SLC30A8: variants seen among roughly 807,000 people sequenced by gnomAD.
SLC30A8 encodes the protein proton-coupled zinc antiporter SLC30A8.
Under a neutral mutation model 36.9 loss-of-function variants are expected in SLC30A8, and 27 were observed. The ratio of observed to expected loss-of-function variants is 0.73; its 90% CI spans 0.54 to 1.01. The LOEUF is 1.01. Ranked by LOEUF, SLC30A8 falls within the 50% of genes least tolerant of loss-of-function variation. SLC30A8 has a pLI of 0.00. For synonymous variants in SLC30A8, 164 were observed against 172.4 expected, an observed-to-expected ratio of 0.95 and a Z score of 0.38; for missense variants, 439 against 452.0, an observed-to-expected ratio of 0.97 and a Z score of 0.26.
At chr8:117,021,808 CA>C (rs1348634529) in intron 1 of SLC30A8, among the ~76,000 whole-genome samples, 3 of 152,046 alleles carry the variant, frequency 2.0e-5, no homozygotes, top group Non-Finnish European at 4.4e-5. Context: ...CAAAGACACA[CA>C]AGTTAATCAA....
chr8:117,097,416 A>ATATATAT lies in SLC30A8; in HGVS notation c.-225-37864_-225-37863insTATATAT, dbSNP rs1563593802. On this transcript the variant is annotated intron_variant, in intron 2 of 10. Coordinates refer to the SLC30A8 transcript ENST00000427715. Reference sequence around the variant, plus strand: ...CATCTCAAAAAAAAAAAAAAAAAAAAAAATATATATAAATATATATAATTA... The same window carrying ATATATAT: ...CATCTCAAAAAAAAAAAAAAAAAAAATATATATAAATATATATAAATATATATAATTA... Among the ~76,000 whole-genome samples, 54 of 104,658 alleles carry ATATATAT rather than the reference A, an allele frequency of 5.2e-4. 1 individual carries two copies. Among genetic ancestry groups the ATATATAT allele is most frequent in the African/African-American group, 2.3e-3 (54 of 23,244 alleles). 68.7% of individuals were successfully genotyped at this position (104,658 alleles called of 152,430 possible).
At chr8:117,145,919 T>C (rs1821874104) in intron 1 of SLC30A8, among the ~76,000 whole-genome samples, 1 of 152,060 alleles carries the variant, frequency 6.6e-6, no homozygotes, top group Non-Finnish European at 1.5e-5. Context: ...AAAAAGTGGC[T>C]CTCGTGAAGA....
chr8:116,977,396 G>A (rs928531235), intron 1 of SLC30A8, among the ~76,000 whole-genome samples: 9 of 148,932 alleles, frequency 6.0e-5, no homozygotes, highest in African/African-American at 7.4e-5. Flanking sequence ...CTCGTGATTC[G>A]CCTGCCTCCA....
chr8:117,122,771 G>T (rs1820741900), intron 2 of SLC30A8, among the ~76,000 whole-genome samples: 1 of 151,942 alleles, frequency 6.6e-6, no homozygotes, highest in Non-Finnish European at 1.5e-5. Context: ...AAGGATCACA[G>T]AGCTTTGTCG....
chr8:117,110,366 GGTGT>G (rs1820173219), intron 2 of SLC30A8, among the ~76,000 whole-genome samples: 1 of 152,152 alleles, frequency 6.6e-6, no homozygotes, highest in Admixed American at 6.5e-5. Context: ...CAGCCCTGTG[GGTGT>G]AAGTGCCAAG....
chr8:117,142,335 T>A (rs989111236), intron 1 of SLC30A8, among the ~76,000 whole-genome samples: 2 of 152,136 alleles, frequency 1.3e-5, no homozygotes, highest in African/African-American at 4.8e-5. Flanking sequence ...AGGGTTTCTA[T>A]GTTTTGATCT....
intron 1 of SLC30A8, among the ~76,000 whole-genome samples, chr8:117,033,819 T>G (rs371482702): frequency 1.3e-5 from 2 of 152,298 alleles, no homozygotes; most frequent in East Asian, 3.9e-4. Context: ...AAACCTTCCT[T>G]GAAGTCTTCA....
intron 2 of SLC30A8, among the ~76,000 whole-genome samples, chr8:117,116,986 T>C (rs1820470506): frequency 6.6e-6 from 1 of 151,994 alleles, no homozygotes; most frequent in African/African-American, 2.4e-5. Context: ...TCCTACATCT[T>C]GTGGCTTCTA....
intron 2 of SLC30A8, among the ~76,000 whole-genome samples, chr8:117,119,348 C>T (rs1020522278): frequency 5.3e-5 from 8 of 151,792 alleles, no homozygotes; most frequent in Non-Finnish European, 1.2e-4. Context: ...GTCCATATTG[C>T]TTTTTTCCCC....
At chr8:117,065,530 C>T (rs1179444477) in intron 2 of SLC30A8, among the ~76,000 whole-genome samples, 3 of 152,064 alleles carry the variant, frequency 2.0e-5, no homozygotes, top group Non-Finnish European at 4.4e-5. Flanking sequence ...GAGCATATAG[C>T]CAGTGCAGTC....
At chr8:117,162,802 T>C (rs1474836005) in intron 5 of SLC30A8, among the ~76,000 whole-genome samples, 1 of 152,212 alleles carries the variant, frequency 6.6e-6, no homozygotes, top group Non-Finnish European at 1.5e-5. Flanking sequence ...GGGCACAGAC[T>C]TTTCTGTGGC....
At chr8:117,117,802 G>A (rs1820510636) in intron 2 of SLC30A8, among the ~76,000 whole-genome samples, 1 of 151,922 alleles carries the variant, frequency 6.6e-6, no homozygotes, top group Admixed American at 6.6e-5. Context: ...GAGGTCAGAG[G>A]TAAAAAGTCC....
At chr8:117,055,036 C>T (rs546810743) in intron 2 of SLC30A8, among the ~76,000 whole-genome samples, 1 of 152,320 alleles carries the variant, frequency 6.6e-6, no homozygotes, top group East Asian at 1.9e-4. Context: ...TTTAACCTCA[C>T]TGGACCTTAA....
At chr8:117,033,990 A>G (rs1007242238) in intron 1 of SLC30A8, among the ~76,000 whole-genome samples, 2 of 152,212 alleles carry the variant, frequency 1.3e-5, no homozygotes, top group African/African-American at 4.8e-5. Flanking sequence ...GGTCAGCCCA[A>G]TTCTGATGAA....
chr8:117,089,516 G>T (rs944749284), intron 2 of SLC30A8, among the ~76,000 whole-genome samples: 35 of 152,136 alleles, frequency 2.3e-4, no homozygotes, highest in Non-Finnish European at 2.9e-5. Flanking sequence ...AAACTCTTAT[G>T]TTTGTACTTT....
rs927115689 is a variant in SLC30A8, at chr8:117,172,980, C to A, written c.*299C>A. On this transcript the variant is annotated 3_prime_UTR_variant, in exon 8 of 8. Transcript: ENST00000456015. ...TAACTATCGGCAATACCAAATTCAT[C>A]TCCCTTCCAATAATGCATCTTGAGA... is the stretch of plus-strand genomic sequence containing the variant. 1.9e-5 allele frequency: 6 copies of A among 315,428 alleles called. No individual in the cohort carries two copies. Among genetic ancestry groups the A allele is most frequent in the Non-Finnish European group, 2.9e-5 (5 of 171,804 alleles). 19.5% of individuals were successfully genotyped at this position (315,428 alleles called of 1,614,324 possible). A position where few individuals can be genotyped will look rare whatever the true frequency, so the allele number is the denominator to read the frequency against.
rs552689193 is a variant in SLC30A8, at chr8:117,162,133, A to G, written c.723+245A>G. Among the ~76,000 whole-genome samples, 5 of 152,352 alleles carry G rather than the reference A, an allele frequency of 3.3e-5. No individual in the cohort carries two copies. In the East Asian group the frequency reaches 9.6e-4, roughly 29 times the overall value. ...TCTCTGGCTCACTTTAGCAAAAAGT[A>G]TATTTATTGGCTGAAATTTATTGGA... On this transcript the variant is annotated intron_variant, in intron 5 of 7. Coordinates refer to ENST00000456015, the MANE Select transcript of SLC30A8 (RefSeq NM_173851.3).
At chr8:117,104,494 G>A (rs916522677) in intron 2 of SLC30A8, among the ~76,000 whole-genome samples, 19 of 152,114 alleles carry the variant, frequency 1.2e-4, no homozygotes, top group Non-Finnish European at 2.6e-4. Flanking sequence ...CATATTTCTA[G>A]CAACATTCTG....
chr8:117,102,519 C>T (rs1206501303), intron 2 of SLC30A8, among the ~76,000 whole-genome samples: 1 of 152,132 alleles, frequency 6.6e-6, no homozygotes, highest in African/African-American at 2.4e-5. Context: ...TCACTACAAA[C>T]TGAGTAGTCC....
Sources: gnomAD v4.1 joint callset for allele counts (sites outside exome capture counted in the v4.1 genomes callset) on GRCh38, gnomAD v4.1.1 for gene constraint, MANE v1.5 for transcripts, NCBI Gene and HGNC (gene_info 2026-07-23, HGNC 2026-07-21) for gene names.